Variants in SDK1 observed in about 807,000 individuals in gnomAD.
The protein encoded by SDK1 is protein sidekick-1.
Under a neutral mutation model 245.5 loss-of-function variants are expected in SDK1, and 157 were observed. The observed-to-expected ratio is 0.64, with a 90% CI of 0.56 to 0.73. The LOEUF (loss-of-function observed/expected upper bound fraction) is 0.73. Ranked by LOEUF, SDK1 falls within the 30% of genes least tolerant of loss-of-function variation. SDK1 has a pLI of 0.00. For missense variants in SDK1, 3,583 were observed against 3,002.3 expected (o/e 1.19, Z -4.52); for synonymous variants, 1,647 against 1,278.5 (o/e 1.29, Z -6.15).
intron 5 of SDK1, among the ~76,000 whole-genome samples, chr7:3,879,534 C>T (rs1480275327): frequency 3.9e-5 from 6 of 152,182 alleles, no homozygotes; most frequent in African/African-American, 1.4e-4. Flanking sequence ...TGCTTCAGAA[C>T]CTTGGCAGAG....
chr7:4,249,576 T>C (rs1787154531), intron 44 of SDK1, among the ~76,000 whole-genome samples: 2 of 152,186 alleles, frequency 1.3e-5, no homozygotes, highest in South Asian at 4.1e-4. Context: ...CGGAAGTCTC[T>C]TACAGACCCC....
chr7:3,376,882 GTC>G lies in SDK1; in HGVS notation c.298+75004_298+75005del, dbSNP rs1179129226. On this transcript the variant is annotated intron_variant, in intron 1 of 44. Transcript: ENST00000404826. ...TTTTTCCTCTATTTCCCCTTCTATT[GTC>G]TCTCTTTCCAGTTCCTCTTGGACTT... 3.6e-4 allele frequency among the ~76,000 whole-genome samples: 53 copies of G among 148,296 alleles called. 1 individual carries two copies. The highest frequency in any genetic ancestry group is 1.3e-3 in the African/African-American group (52 of 40,070).
intron 14 of SDK1, among the ~76,000 whole-genome samples, chr7:4,010,269 G>A (rs1785831398): frequency 6.6e-6 from 1 of 152,226 alleles, no homozygotes; most frequent in Admixed American, 6.5e-5. Context: ...TGAAAAGCCT[G>A]TTTAAACTCT....
At chr7:3,788,661 G>A (rs1301996875) in intron 4 of SDK1, among the ~76,000 whole-genome samples, 1 of 152,142 alleles carries the variant, frequency 6.6e-6, no homozygotes, top group Non-Finnish European at 1.5e-5. Context: ...GATGGCTGAT[G>A]TGCTAGGAAA....
intron 5 of SDK1, among the ~76,000 whole-genome samples, chr7:3,916,586 T>A (rs780219365): frequency 6.6e-6 from 1 of 152,242 alleles, no homozygotes; most frequent in Non-Finnish European, 1.5e-5. Flanking sequence ...AGATTTAACA[T>A]GGCCTCAACT....
chr7:3,781,419 T>G (rs577626847), intron 4 of SDK1, among the ~76,000 whole-genome samples: 1 of 152,218 alleles, frequency 6.6e-6, no homozygotes, highest in East Asian at 1.9e-4. Context: ...CAGTCTAGAT[T>G]AGATAGTGGA....
rs1487618798 is a variant in SDK1 at position 4,132,423 on chromosome 7, G to A, written c.4228G>A (p.Gly1410Arg). The A allele has an allele frequency of 6.2e-7, 1 of 1,606,922 alleles. No homozygotes were observed. The highest frequency in any genetic ancestry group is 8.5e-7 in the Non-Finnish European group (1 of 1,175,588). The change falls in exon 28 of 45, where the codon GGG (glycine) becomes AGG (arginine). Residue 1410 changes from glycine (G) to arginine (R), a missense_variant and splice_region_variant. By Grantham distance (125) the Gly-to-Arg change is moderately radical. Coordinates refer to ENST00000404826, the MANE Select transcript of SDK1 (RefSeq NM_152744.4). The part of the protein sequence containing the change: ...PPEEPNGIIL[G>R]YQIAYRLASS... Reference sequence around the variant, plus strand: ...GGAGGAGCCCAACGGCATCATCCTGGGTAAGGGAGCGGCGGTGGCCGGGCG... The same window carrying A: ...GGAGGAGCCCAACGGCATCATCCTGAGTAAGGGAGCGGCGGTGGCCGGGCG...
intron 5 of SDK1, among the ~76,000 whole-genome samples, chr7:3,892,175 T>C (rs1006662834): frequency 1.3e-5 from 2 of 152,262 alleles, no homozygotes; most frequent in Non-Finnish European, 2.9e-5. Context: ...GTTTTTGTAA[T>C]GGCAGCCCTA....
intron 1 of SDK1, among the ~76,000 whole-genome samples, chr7:3,385,846 A>G (rs1366755724): frequency 6.6e-6 from 1 of 152,144 alleles, no homozygotes; most frequent in African/African-American, 2.4e-5. Context: ...GTTTGCTTAT[A>G]TGATTTTTAC....
chr7:3,711,868 C>T (rs1785061027), intron 4 of SDK1, among the ~76,000 whole-genome samples: 1 of 152,094 alleles, frequency 6.6e-6, no homozygotes, highest in South Asian at 2.1e-4. Flanking sequence ...CAGGGAGGAG[C>T]CCTGCCATGG....
At chr7:4,095,428 A>C (rs1399015878) in intron 22 of SDK1, among the ~76,000 whole-genome samples, 1 of 152,224 alleles carries the variant, frequency 6.6e-6, no homozygotes, top group Non-Finnish European at 1.5e-5. Context: ...AAAACAACTC[A>C]GGGACATATG....
chr7:3,407,717 A>G (rs1052196977), intron 1 of SDK1, among the ~76,000 whole-genome samples: 5 of 152,314 alleles, frequency 3.3e-5, no homozygotes, highest in East Asian at 1.9e-4. Context: ...CAGTTACACA[A>G]TGGAATATTA....
Position 4,077,933 on chromosome 7 carries a change from G to C in SDK1, c.3202+744G>C, listed in dbSNP as rs757735748. 3.9e-5 allele frequency among the ~76,000 whole-genome samples: 6 copies of C among 152,276 alleles called. No homozygotes were observed. In the East Asian group the frequency reaches 7.7e-4, roughly 20 times the overall value. On this transcript the variant is annotated intron_variant, in intron 21 of 44. Transcript: ENST00000404826. ...TTGGGTAAAAATTGGTATATATAGC[G>C]ACCAAGGTTAACACTAGAAGCACAT... is the stretch of plus-strand genomic sequence containing the variant.
intron 5 of SDK1, among the ~76,000 whole-genome samples, chr7:3,890,151 G>C (rs1428005139): frequency 1.3e-5 from 2 of 152,170 alleles, no homozygotes; most frequent in Non-Finnish European, 2.9e-5. Context: ...AGCTGAGCAG[G>C]GACTAGAACT....
intron 1 of SDK1, among the ~76,000 whole-genome samples, chr7:3,557,378 A>G (rs1439212556): frequency 6.6e-6 from 1 of 152,192 alleles, no homozygotes; most frequent in South Asian, 2.1e-4. Context: ...CTAATACTCA[A>G]CCAGGATGAA....
chr7:3,425,735 A>C (rs1779658411), intron 1 of SDK1, among the ~76,000 whole-genome samples: 2 of 152,242 alleles, frequency 1.3e-5, no homozygotes, highest in Admixed American at 1.3e-4. Flanking sequence ...AGAAAAAGAC[A>C]GTCCTTTCTG....
chr7:4,090,521 C>T (rs1781718779), intron 22 of SDK1, among the ~76,000 whole-genome samples: 1 of 152,182 alleles, frequency 6.6e-6, no homozygotes, highest in Non-Finnish European at 1.5e-5. Flanking sequence ...GCTCAAACTT[C>T]CCTCCATTTG....
chr7:4,010,758 CGG>C (rs1284179110), intron 14 of SDK1, among the ~76,000 whole-genome samples: 1 of 152,106 alleles, frequency 6.6e-6, no homozygotes, highest in African/African-American at 2.4e-5. Context: ...ATGGCGGCAC[CGG>C]GGAAGTTGCC....
chr7:4,183,123 G>T (rs991434735), intron 35 of SDK1, among the ~76,000 whole-genome samples: 5 of 152,184 alleles, frequency 3.3e-5, no homozygotes, highest in Admixed American at 6.5e-5. Context: ...CATGTGCTGA[G>T]TCCACCTCTG....
Sources: allele counts gnomAD v4.1 joint callset (sites outside exome capture counted in the v4.1 genomes callset), GRCh38; gene constraint gnomAD v4.1.1; transcripts MANE v1.5; gene names NCBI Gene and HGNC (gene_info 2026-07-23, HGNC 2026-07-21).